Variants in SLC36A1 observed in about 807,000 individuals in gnomAD.
SLC36A1 encodes the protein proton-coupled amino acid transporter 1.
In SLC36A1, 30 loss-of-function variants were observed where a neutral mutation model predicts 47.5. The observed-to-expected ratio is 0.63, with a 90% CI of 0.47 to 0.86. SLC36A1 has a LOEUF of 0.86. Ranked by LOEUF, SLC36A1 falls within the 40% of genes least tolerant of loss-of-function variation. The pLI, the probability that SLC36A1 is intolerant of heterozygous loss-of-function variation, is 0.00. For missense variants in SLC36A1, 517 were observed against 606.0 expected, an observed-to-expected ratio of 0.85 and a Z score of 1.54; for synonymous variants, 255 against 249.7, an observed-to-expected ratio of 1.02 and a Z score of -0.20.
the SLC36A1 span, among the ~76,000 whole-genome samples, chr5:151,500,655 A>G: frequency 1.3e-5 from 2 of 152,256 alleles, no homozygotes; most frequent in African/African-American, 4.8e-5. Context: ...GGTGGGAGCC[A>G]CTGTGCCTGG....
At chr5:151,521,520 T>G in the SLC36A1 span, 1 of 1,614,164 alleles carries the variant, frequency 6.2e-7, no homozygotes, top group Non-Finnish European at 8.5e-7. Context: ...CGTAGAAGGT[T>G]CCAGAATGCC....
intron 7 of SLC36A1, among the ~76,000 whole-genome samples, chr5:151,472,032 G>T (rs571088738): frequency 6.6e-6 from 1 of 152,282 alleles, no homozygotes; most frequent in Non-Finnish European, 1.5e-5. Context: ...ACTGTTGTTC[G>T]GTGGAGGATT....
At chr5:151,442,077 TATA>T (rs1238865115) in intron 1 of SLC36A1, among the ~76,000 whole-genome samples, 2 of 135,334 alleles carry the variant, frequency 1.5e-5, no homozygotes, top group African/African-American at 3.4e-5. Context: ...TTTATCCATG[TATA>T]ATTATTTTGA....
the SLC36A1 span, among the ~76,000 whole-genome samples, chr5:151,417,086 T>C: frequency 6.6e-6 from 1 of 152,212 alleles, no homozygotes; most frequent in Non-Finnish European, 1.5e-5. Flanking sequence ...CTTTCCTTTA[T>C]TAATTACCCA....
the SLC36A1 span, among the ~76,000 whole-genome samples, chr5:151,410,256 T>G: frequency 1.2e-4 from 18 of 148,066 alleles, no homozygotes; most frequent in Non-Finnish European, 2.2e-4. Flanking sequence ...CAATATGTAT[T>G]TGTTCAATGA....
chr5:151,381,062 C>G, the SLC36A1 span: 1 of 442,248 alleles, frequency 2.3e-6, no homozygotes, highest in Admixed American at 3.0e-5. Context: ...AGAGAAGCAG[C>G]TAGCCTTGAG....
the SLC36A1 span, among the ~76,000 whole-genome samples, chr5:151,395,622 G>A: frequency 1.3e-5 from 2 of 152,114 alleles, no homozygotes; most frequent in Admixed American, 1.3e-4. Flanking sequence ...ATGTGAGTTG[G>A]TGTGTGTGCA....
the SLC36A1 span, among the ~76,000 whole-genome samples, chr5:151,502,261 G>C: frequency 6.8e-6 from 1 of 146,942 alleles, no homozygotes; most frequent in African/African-American, 2.7e-5. Flanking sequence ...GCAGTAAGTC[G>C]AGACTGTGCC....
At chr5:151,385,257 G>A in the SLC36A1 span, among the ~76,000 whole-genome samples, 1 of 152,164 alleles carries the variant, frequency 6.6e-6, no homozygotes, top group Non-Finnish European at 1.5e-5. Flanking sequence ...GACCCAGCAT[G>A]GACCCTCTCT....
the SLC36A1 span, chr5:151,545,812 G>A: frequency 5.0e-6 from 8 of 1,614,110 alleles, no homozygotes; most frequent in Non-Finnish European, 6.8e-6. Flanking sequence ...GCTATACAGT[G>A]GAGCTGCTTC....
upstream of SLC36A1, among the ~76,000 whole-genome samples, chr5:151,436,593 G>A (rs192053622): frequency 3.3e-5 from 5 of 152,124 alleles, no homozygotes; most frequent in Admixed American, 1.3e-4. Flanking sequence ...TGGTTGTAAA[G>A]TGTAACCTTG....
At chr5:151,509,020 CTCTT>C in the SLC36A1 span, among the ~76,000 whole-genome samples, 3 of 152,126 alleles carry the variant, frequency 2.0e-5, no homozygotes, top group African/African-American at 4.8e-5. Context: ...TTGTCAAAGT[CTCTT>C]TCTCTCTAGG....
At chr5:151,415,283 G>A in the SLC36A1 span, among the ~76,000 whole-genome samples, 1 of 151,982 alleles carries the variant, frequency 6.6e-6, no homozygotes, top group Non-Finnish European at 1.5e-5. Flanking sequence ...AGCCTTCTGG[G>A]GCTTCCCTCT....
chr5:151,470,421 A>G (rs1002337195), intron 7 of SLC36A1, among the ~76,000 whole-genome samples: 1 of 152,216 alleles, frequency 6.6e-6, no homozygotes, highest in African/African-American at 2.4e-5. Context: ...AGTGATGTCT[A>G]TGCATAGTAC....
At chr5:151,554,318 C>T in the SLC36A1 span, 5 of 1,564,214 alleles carry the variant, frequency 3.2e-6, no homozygotes, top group South Asian at 3.6e-5. Context: ...GGCCACTAAC[C>T]AGCATGCCAC....
At chr5:151,467,077 A>T in intron 5 of SLC36A1, 122 bp from the exon 6 acceptor site, 1 of 727,558 alleles carries the variant, frequency 1.4e-6, no homozygotes, top group African/African-American at 1.8e-5. Flanking sequence ...ATATCCATTT[A>T]ACAAAACAGC....
chr5:151,454,189 T>C (rs1754108774), intron 1 of SLC36A1, among the ~76,000 whole-genome samples: 1 of 151,624 alleles, frequency 6.6e-6, no homozygotes, highest in Non-Finnish European at 1.5e-5. Context: ...GGACTTTGTG[T>C]TCTGTTTATT....
chr5:151,527,094 C>G, the SLC36A1 span: 1 of 800,404 alleles, frequency 1.2e-6, no homozygotes. Flanking sequence ...TGCCCTCCAG[C>G]AGTCTGTGTT....
chr5:151,517,805 G>T, the SLC36A1 span: 1 of 1,610,880 alleles, frequency 6.2e-7, no homozygotes, highest in Non-Finnish European at 8.5e-7. Context: ...ACTTGAAGTG[G>T]TCCCCATTGA....
Sources: gnomAD v4.1 joint callset for allele counts (sites outside exome capture counted in the v4.1 genomes callset) on GRCh38, gnomAD v4.1.1 for gene constraint, MANE v1.5 for transcripts, NCBI Gene and HGNC (gene_info 2026-07-23, HGNC 2026-07-21) for gene names.